The following FHIT variants were observed in gnomAD, a reference collection of about 807,000 sequenced individuals.
The protein encoded by FHIT is fragile histidine triad diadenosine triphosphatase.
Under a neutral mutation model 17.9 loss-of-function variants are expected in FHIT, and 19 were observed. The observed-to-expected ratio is 1.06, with a 90% CI of 0.74 to 1.56. FHIT has a LOEUF of 1.56. Ranked by LOEUF, FHIT falls within the 40% of genes most tolerant of loss-of-function variation. The pLI is 0.00. For synonymous variants in FHIT, 81 were observed against 69.7 expected (o/e 1.16, Z -0.81); for missense variants, 248 against 189.2 (o/e 1.31, Z -1.82).
At chr3:59,912,117 C>T (rs943952000) in intron 8 of FHIT, among the ~76,000 whole-genome samples, 2 of 152,192 alleles carry the variant, frequency 1.3e-5, no homozygotes, top group Non-Finnish European at 2.9e-5. Flanking sequence ...TACCTTAATG[C>T]CCAAATGAGC....
chr3:59,770,306 T>A (rs1159025072), intron 8 of FHIT, among the ~76,000 whole-genome samples: 2 of 152,164 alleles, frequency 1.3e-5, no homozygotes, highest in African/African-American at 2.4e-5. Flanking sequence ...TAATCCACAA[T>A]GTCTCAGAAT....
intron 5 of FHIT, among the ~76,000 whole-genome samples, chr3:60,270,595 T>C (rs1183160021): frequency 5.9e-5 from 9 of 152,276 alleles, no homozygotes; most frequent in Admixed American, 5.2e-4. Flanking sequence ...GGTTATGAAA[T>C]ATTGTTCACA....
chr3:60,540,093 A>G (rs954143745), intron 4 of FHIT, among the ~76,000 whole-genome samples: 1 of 152,084 alleles, frequency 6.6e-6, no homozygotes, highest in African/African-American at 2.4e-5. Flanking sequence ...CCAATGGTCA[A>G]CAGTTTAATC....
intron 5 of FHIT, among the ~76,000 whole-genome samples, chr3:60,294,887 C>T (rs542253227): frequency 5.3e-5 from 8 of 152,136 alleles, no homozygotes; most frequent in East Asian, 1.9e-4. Context: ...GAATAGCCTC[C>T]GTGGTATGGA....
At chr3:59,767,236 C>G (rs34867216) in intron 8 of FHIT, among the ~76,000 whole-genome samples, 55,759 of 151,964 alleles carry the variant, frequency 0.37, 11,293 homozygotes, top group Middle Eastern at 0.51. Context: ...CGGTGGCTCA[C>G]GCCTGTAATC....
intron 5 of FHIT, among the ~76,000 whole-genome samples, chr3:60,173,915 A>ATATATATATTTT: frequency 4.5e-5 from 3 of 66,440 alleles, no homozygotes; most frequent in Non-Finnish European, 8.3e-5. Flanking sequence ...ATATATATAT[A>ATATATATATTTT]TGTTTTTTTT....
chr3:60,838,132 C>T (rs1382959251), intron 3 of FHIT, among the ~76,000 whole-genome samples: 1 of 152,170 alleles, frequency 6.6e-6, no homozygotes, highest in Non-Finnish European at 1.5e-5. Flanking sequence ...CAGAGTCTCA[C>T]CGTGTCATCC....
intron 5 of FHIT, among the ~76,000 whole-genome samples, chr3:60,283,474 AG>A (rs1707564995): frequency 6.6e-6 from 1 of 152,162 alleles, no homozygotes; most frequent in African/African-American, 2.4e-5. Flanking sequence ...CAGTATATTC[AG>A]AAAAACATGT....
At chr3:60,156,106 C>A (rs1160250003) in intron 5 of FHIT, among the ~76,000 whole-genome samples, 1 of 152,110 alleles carries the variant, frequency 6.6e-6, no homozygotes, top group Non-Finnish European at 1.5e-5. Context: ...GTAATCCCAG[C>A]ACTTTGGGAG....
chr3:61,142,572 C>T (rs966998409), intron 2 of FHIT, among the ~76,000 whole-genome samples: 22 of 152,098 alleles, frequency 1.4e-4, no homozygotes, highest in Admixed American at 3.9e-4. Flanking sequence ...TAGTGTGCTT[C>T]GCTACCTCAT....
intron 5 of FHIT, among the ~76,000 whole-genome samples, chr3:60,027,722 A>T (rs1052939721): frequency 1.2e-3 from 41 of 34,498 alleles, no homozygotes; most frequent in South Asian, 2.1e-3. Flanking sequence ...TTTAGTTTAT[A>T]AAAAAAAAAA....
At chr3:60,571,258 C>A (rs1287689049) in intron 4 of FHIT, among the ~76,000 whole-genome samples, 2 of 140,166 alleles carry the variant, frequency 1.4e-5, no homozygotes, top group African/African-American at 5.3e-5. Context: ...ATCACTTGAA[C>A]CTGGTAAGCA....
chr3:59,876,020 A>C (rs1000600683), intron 8 of FHIT, among the ~76,000 whole-genome samples: 1 of 152,068 alleles, frequency 6.6e-6, no homozygotes, highest in Non-Finnish European at 1.5e-5. Context: ...TCTTTATTCC[A>C]GTATAGAGAC....
chr3:59,950,461 C>T (rs767508245), intron 7 of FHIT, among the ~76,000 whole-genome samples: 2 of 152,156 alleles, frequency 1.3e-5, no homozygotes, highest in Non-Finnish European at 2.9e-5. Flanking sequence ...TTTCCATGAC[C>T]GATCCTCCAA....
At chr3:60,119,619 G>A (rs972035428) in intron 5 of FHIT, among the ~76,000 whole-genome samples, 2 of 152,090 alleles carry the variant, frequency 1.3e-5, no homozygotes, top group Non-Finnish European at 2.9e-5. Context: ...CTGTCATCGT[G>A]TCGGGTAAGG....
At chr3:60,231,825 A>C (rs1704510555) in intron 5 of FHIT, among the ~76,000 whole-genome samples, 1 of 152,126 alleles carries the variant, frequency 6.6e-6, no homozygotes, top group African/African-American at 2.4e-5. Flanking sequence ...CTGTGAAAGG[A>C]TTTTACAGAT....
At chr3:59,843,441 A>G (rs1701602078) in intron 8 of FHIT, among the ~76,000 whole-genome samples, 2 of 152,074 alleles carry the variant, frequency 1.3e-5, no homozygotes, top group South Asian at 2.1e-4. Context: ...GGCTTTTTGT[A>G]TGTCAGCAAA....
intron 4 of FHIT, among the ~76,000 whole-genome samples, chr3:60,567,394 G>T (rs2037177890): frequency 6.6e-6 from 1 of 152,176 alleles, no homozygotes; most frequent in African/African-American, 2.4e-5. Context: ...GGGAAAACTG[G>T]TTAGCCATAT....
At chr3:61,223,690 A>T (rs184128332) in intron 1 of FHIT, among the ~76,000 whole-genome samples, 5 of 152,230 alleles carry the variant, frequency 3.3e-5, no homozygotes, top group Non-Finnish European at 7.3e-5. Flanking sequence ...TATCTCAGTA[A>T]GTCCCCAATC....
Sources: allele counts gnomAD v4.1 joint callset (sites outside exome capture counted in the v4.1 genomes callset), GRCh38; gene constraint gnomAD v4.1.1; transcripts MANE v1.5; gene names NCBI Gene and HGNC (gene_info 2026-07-23, HGNC 2026-07-21).